The following PRLR variants were observed in gnomAD, a reference collection of about 807,000 sequenced individuals.
PRLR encodes hPRL receptor.
In PRLR, 13 loss-of-function variants were observed where a neutral mutation model predicts 40.2. The ratio of observed to expected loss-of-function variants is 0.32; its 90% confidence interval spans 0.21 to 0.51. The LOEUF (loss-of-function observed/expected upper bound fraction) is 0.51. PRLR is among the 20% of genes least tolerant of loss of function. The probability of loss-of-function intolerance (pLI) is 0.97; values close to 1 mark genes in which losing one functional copy is unlikely to be tolerated. For missense variants in PRLR, 656 were observed against 747.3 expected, an observed-to-expected ratio of 0.88 and a Z score of 1.42; for synonymous variants, 269 against 278.7, an observed-to-expected ratio of 0.97 and a Z score of 0.35.
chr5:35,209,483 A>C (rs1776113209), intron 1 of PRLR, among the ~76,000 whole-genome samples: 1 of 152,228 alleles, frequency 6.6e-6, no homozygotes, highest in Admixed American at 6.5e-5. Context: ...AGAGTACTTA[A>C]GACCCACTGT....
At chr5:35,206,921 T>A (rs1776034800) in intron 1 of PRLR, among the ~76,000 whole-genome samples, 1 of 152,138 alleles carries the variant, frequency 6.6e-6, no homozygotes, top group South Asian at 2.1e-4. Context: ...ACTTCCATAG[T>A]CAAATACATT....
chr5:35,049,017 T>C (rs145001103), exon 9 of PRLR: 9 of 508,430 alleles, frequency 1.8e-5, no homozygotes, highest in African/African-American at 1.5e-4. Context: ...CAAATGCCCA[T>C]AGGAGGTGAA....
chr5:35,121,407 C>T (rs189751925), intron 1 of PRLR, among the ~76,000 whole-genome samples: 1 of 152,338 alleles, frequency 6.6e-6, no homozygotes, highest in Non-Finnish European at 1.5e-5. Flanking sequence ...CCACCCCCTC[C>T]TGAAAGCCTA....
chr5:35,050,043 G>T (rs1409974287), intron 8 of PRLR, among the ~76,000 whole-genome samples: 1 of 151,800 alleles, frequency 6.6e-6, no homozygotes, highest in African/African-American at 2.4e-5. Context: ...AAGTAGCTGG[G>T]ATTACAGCTA....
At chr5:35,174,369 C>T (rs975469367) in intron 1 of PRLR, among the ~76,000 whole-genome samples, 9 of 152,210 alleles carry the variant, frequency 5.9e-5, no homozygotes, top group African/African-American at 1.4e-4. Context: ...GGATTACAGG[C>T]GTGAGCCACC....
At chr5:35,084,904 C>T (rs1006386106) in intron 4 of PRLR, among the ~76,000 whole-genome samples, 9 of 151,866 alleles carry the variant, frequency 5.9e-5, no homozygotes, top group African/African-American at 1.7e-4. Context: ...CTTGTGGGCT[C>T]GGGGACCTAT....
At chr5:35,106,941 T>C (rs1772299618) in intron 2 of PRLR, among the ~76,000 whole-genome samples, 1 of 152,282 alleles carries the variant, frequency 6.6e-6, no homozygotes, top group Non-Finnish European at 1.5e-5. Context: ...CAGCACCACA[T>C]CGCACTTATT....
rs1768973603 is a variant in PRLR, at chr5:35,060,511, T to C, written c.*4578A>G. 1 of 152,196 alleles carries C rather than the reference T, an allele frequency of 6.6e-6. No homozygotes were observed. The highest frequency in any genetic ancestry group is 1.5e-5 in the Non-Finnish European group (1 of 68,052). 9.4% of individuals were successfully genotyped at this position (152,196 alleles called of 1,614,324 possible). A position where few individuals can be genotyped will look rare whatever the true frequency, so the allele number is the denominator to read the frequency against. On this transcript the variant is annotated 3_prime_UTR_variant, in exon 10 of 10. Transcript: ENST00000618457. ...GAAACCCTGGATTTTACCTAGATCA[T>C]GAGAGGTCTTAGAAACCTTTTAGGC...
At chr5:35,196,880 C>T (rs1775750639) in intron 1 of PRLR, among the ~76,000 whole-genome samples, 1 of 152,194 alleles carries the variant, frequency 6.6e-6, no homozygotes, top group Non-Finnish European at 1.5e-5. Flanking sequence ...TGGTCAGGTT[C>T]TGGTTAGGGC....
chr5:35,171,930 G>A (rs1296837181), intron 1 of PRLR, among the ~76,000 whole-genome samples: 1 of 152,156 alleles, frequency 6.6e-6, no homozygotes, highest in African/African-American at 2.4e-5. Context: ...TCTCACTTAA[G>A]TGTGTATTTT....
intron 1 of PRLR, among the ~76,000 whole-genome samples, chr5:35,211,525 T>C (rs975079612): frequency 4.6e-5 from 7 of 152,138 alleles, no homozygotes; most frequent in South Asian, 2.1e-4. Context: ...CGAAGACAGA[T>C]AGGGACAGGA....
chr5:35,165,406 G>T (rs566740305), intron 1 of PRLR, among the ~76,000 whole-genome samples: 7 of 152,332 alleles, frequency 4.6e-5, no homozygotes, highest in African/African-American at 1.7e-4. Context: ...TAGGCAAGGA[G>T]ATAGCAAGTT....
At chr5:35,133,724 T>C (rs1236309479) in intron 1 of PRLR, among the ~76,000 whole-genome samples, 3 of 152,128 alleles carry the variant, frequency 2.0e-5, no homozygotes, top group Non-Finnish European at 4.4e-5. Flanking sequence ...TCACAGCATG[T>C]TTTCTCTCCT....
chr5:35,100,229 A>G (rs995056601), intron 2 of PRLR, among the ~76,000 whole-genome samples: 2 of 152,010 alleles, frequency 1.3e-5, no homozygotes, highest in African/African-American at 4.8e-5. Context: ...GAAAGTTTAT[A>G]AAGTTAAGTT....
intron 5 of PRLR, among the ~76,000 whole-genome samples, chr5:35,083,321 G>C (rs1466938514): frequency 6.6e-6 from 1 of 152,052 alleles, no homozygotes; most frequent in Non-Finnish European, 1.5e-5. Flanking sequence ...CGACACATCT[G>C]TGGTGGGGAC....
chr5:35,191,310 T>C (rs1391506940), intron 1 of PRLR, among the ~76,000 whole-genome samples: 3 of 87,866 alleles, frequency 3.4e-5, no homozygotes, highest in African/African-American at 1.2e-4. Flanking sequence ...GACCTCGTGA[T>C]CCGCCCGCCT....
At chr5:35,160,949 G>A (rs143813438) in intron 1 of PRLR, among the ~76,000 whole-genome samples, 142 of 152,284 alleles carry the variant, frequency 9.3e-4, no homozygotes, top group African/African-American at 3.2e-3. Flanking sequence ...CTCACATGGC[G>A]TGGCCGGCCT....
At chr5:35,186,387 G>A (rs79477940) in intron 1 of PRLR, among the ~76,000 whole-genome samples, 2,462 of 152,234 alleles carry the variant, frequency 0.016, 53 homozygotes, top group African/African-American at 0.05. Context: ...TCAGCATGAC[G>A]CTGACTGATG....
At chr5:35,098,105 G>A (rs1771647760) in intron 2 of PRLR, among the ~76,000 whole-genome samples, 1 of 152,184 alleles carries the variant, frequency 6.6e-6, no homozygotes. Flanking sequence ...TGCATTCTGT[G>A]AGAGGAGTAC....
Sources: gnomAD v4.1 joint callset for allele counts (sites outside exome capture counted in the v4.1 genomes callset) on GRCh38, gnomAD v4.1.1 for gene constraint, MANE v1.5 for transcripts, NCBI Gene and HGNC (gene_info 2026-07-23, HGNC 2026-07-21) for gene names.